ARHGEF1: variants seen among roughly 807,000 people sequenced by gnomAD.
The protein encoded by ARHGEF1 is Rho guanine nucleotide exchange factor 1.
A neutral mutation model predicts 119.7 loss-of-function variants in ARHGEF1; 40 were observed. That is an observed-to-expected ratio of 0.33 (90% confidence interval 0.26 to 0.44). The LOEUF is 0.44. Among genes scored for constraint, ARHGEF1 ranks in the 20% least tolerant of loss-of-function variants. ARHGEF1 has a pLI of 1.00. For synonymous variants in ARHGEF1, 494 were observed against 521.0 expected (o/e 0.95, Z 0.71); for missense variants, 976 against 1,268.3 (o/e 0.77, Z 3.50).
chr19:41,919,665 T>C (rs1372852294), upstream of ARHGEF1, among the ~76,000 whole-genome samples: 2 of 151,984 alleles, frequency 1.3e-5, no homozygotes, highest in African/African-American at 4.8e-5. Flanking sequence ...TGGGGGCTCT[T>C]CCTCAGCTGC....
downstream of ARHGEF1, among the ~76,000 whole-genome samples, chr19:41,910,516 T>C (rs139664101): frequency 4.7e-3 from 714 of 152,168 alleles, 14 homozygotes; most frequent in East Asian, 0.039. The surrounding 1 kb of genome is among the most constrained non-coding windows in gnomAD (Gnocchi z 4.4). Context: ...TGCCCTCAGC[T>C]CTTACTGTCT....
rs1000034870 is a variant in ARHGEF1 at position 41,902,682 on chromosome 19, C to T, written c.1623+24C>T. On this transcript the variant is annotated intron_variant, in intron 17 of 28. Transcript: ENST00000354532. This position sits in a 1 kb window ranked among gnomAD's most constrained non-coding sequence, Gnocchi z 6.5. ...AGGTGAGGTGGGGTCTGGACTCCAG[C>T]TTCCCAGGGAGGAGGGGCCTGGAGA... The T allele has an allele frequency of 1.2e-6, 2 of 1,613,728 alleles. No individual in the cohort carries two copies. The highest frequency in any genetic ancestry group is 1.3e-5 in the African/African-American group (1 of 74,910).
At chr19:41,924,885 C>T (rs1332426814) in intron 1 of ARHGEF1, among the ~76,000 whole-genome samples, 1 of 151,940 alleles carries the variant, frequency 6.6e-6, no homozygotes, top group Non-Finnish European at 1.5e-5. Context: ...AAGGTTTCTT[C>T]CTAAAGGTGT....
At position 41,892,119 on chromosome 19, in the gene ARHGEF1, C is replaced by T. The variant is rs782084682; in HGVS notation, c.320C>T (p.Thr107Ile). The T allele has an allele frequency of 1.9e-6, 3 of 1,612,356 alleles. No individual in the cohort carries two copies. Among genetic ancestry groups the T allele is most frequent in the South Asian group, 2.2e-5 (2 of 90,940 alleles). Reference protein sequence around the residue: ...LDFYHSFLEKTAVLRVPVPPN... With the variant: ...LDFYHSFLEKIAVLRVPVPPN... ...TTCTACCACAGCTTCCTGGAGAAGA[C>T]AGCGGTGAGAGACCTTCAAGCTGCC... The change falls in exon 5 of 29, where the codon ACA becomes ATA. Residue 107 changes from threonine (T) to isoleucine (I), a missense_variant. By Grantham distance (89) the Thr-to-Ile change is moderately conservative. Around this residue, in one of 3 missense-constraint regions of ARHGEF1, gnomAD observed 519 missense variants for 580.9 expected, o/e 0.89. Coordinates refer to ENST00000354532, the MANE Select transcript of ARHGEF1 (RefSeq NM_004706.4). The surrounding 1 kb of genome is among the most constrained non-coding windows in gnomAD (Gnocchi z 6.3).
chr19:41,891,770 C>T (rs1376085033), intron 4 of ARHGEF1, among the ~76,000 whole-genome samples: 2 of 152,188 alleles, frequency 1.3e-5, no homozygotes, highest in East Asian at 3.9e-4. Flanking sequence ...CGGGAGGAGA[C>T]CATGATGAAG....
chr19:41,918,518 TCA>T (rs1411197534), upstream of ARHGEF1, among the ~76,000 whole-genome samples: 2 of 103,424 alleles, frequency 1.9e-5, no homozygotes, highest in Admixed American at 9.2e-5. Context: ...ACCACACACA[TCA>T]CACACACACC....
In ARHGEF1 at chr19:41,917,587, C is replaced by T. The variant is rs1481437397; in HGVS notation, c.1866-5505C>T. Reference sequence around the variant, plus strand: ...GCTCTGTCTAAAGAGGAGAGAGACGCGGCCTAAGACCCTTCTGCCACCGCC... The same window carrying T: ...GCTCTGTCTAAAGAGGAGAGAGACGTGGCCTAAGACCCTTCTGCCACCGCC... On this transcript the variant is annotated intron_variant, in intron 18 of 20. Coordinates refer to the ARHGEF1 transcript ENST00000599589. The surrounding 1 kb of genome is among the most constrained non-coding windows in gnomAD (Gnocchi z 4.8). 3.3e-5 allele frequency among the ~76,000 whole-genome samples: 5 copies of T among 151,762 alleles called. No individual in the cohort carries two copies. Among genetic ancestry groups the T allele is most frequent in the African/African-American group, 9.7e-5 (4 of 41,250 alleles).
intron 13 of ARHGEF1, chr19:41,898,127 C>G (rs2074542903): frequency 7.2e-7 from 1 of 1,390,094 alleles, no homozygotes; most frequent in Admixed American, 3.4e-5. Flanking sequence ...TGTCAACCCT[C>G]TCCCTTCCCC....
chr19:41,896,311 C>G, intron 12 of ARHGEF1, 66 bp from the exon 13 acceptor site: 6 of 821,378 alleles, frequency 7.3e-6, no homozygotes, highest in Non-Finnish European at 1.1e-5. Flanking sequence ...CAATTCCAGG[C>G]CCCCAGAGTG....
rs2074806406 is a variant in ARHGEF1, at chr19:41,917,139, T to C, written c.1866-5953T>C. Among the ~76,000 whole-genome samples, 2 of 152,152 alleles carry C rather than the reference T, an allele frequency of 1.3e-5. No individual in the cohort carries two copies. The highest frequency in any genetic ancestry group is 6.5e-5 in the Admixed American group (1 of 15,274). On this transcript the variant is annotated intron_variant, in intron 18 of 20. Coordinates refer to the ARHGEF1 transcript ENST00000599589. The surrounding 1 kb of genome is among the most constrained non-coding windows in gnomAD (Gnocchi z 4.8). The stretch of plus-strand genomic sequence containing the variant: ...GGGTGTCGGCGCATCTTTCTGTCTG[T>C]CTCTGTCACTGAGGGTCTCTGTCTG...
intron 28 of ARHGEF1, 29 bp from the exon 29 acceptor site, chr19:41,907,076 C>A (rs958790626): frequency 1.4e-6 from 2 of 1,472,858 alleles, no homozygotes; most frequent in South Asian, 2.7e-5. Flanking sequence ...CATCTCTCCC[C>A]GTCTCCCCTC....
chr19:41,912,904 C>G (rs1422810029), intron 18 of ARHGEF1: 2 of 1,231,550 alleles, frequency 1.6e-6, no homozygotes, highest in East Asian at 3.2e-5. Flanking sequence ...AGGTCGGAGA[C>G]GCAGCTACAG....
intron 7 of ARHGEF1, 154 bp from the exon 8 acceptor site, chr19:41,893,120 C>A: frequency 8.8e-7 from 1 of 1,134,494 alleles, no homozygotes; most frequent in South Asian, 1.6e-5. Context: ...CTCCCTCCCT[C>A]TTATGACAGT....
At chr19:41,912,015 C>T (rs574423523), downstream of ARHGEF1, among the ~76,000 whole-genome samples, 195 of 152,068 alleles carry the variant, frequency 1.3e-3, 6 homozygotes, top group South Asian at 0.038. Flanking sequence ...CCATGCGGAA[C>T]GCCACACAAC....
Position 41,896,438 on chromosome 19 carries a change from CT to C in ARHGEF1, c.1079del (p.Leu360TrpfsTer56). On this transcript the variant is annotated frameshift_variant, in exon 13 of 29. Coordinates refer to ENST00000354532, the MANE Select transcript of ARHGEF1 (RefSeq NM_004706.4). LOFTEE classifies it high-confidence loss of function. ...CGCAGGGCCCAATGAGCCTGGAGTCCTTGGCGCCCCCAGAGAGTACCGACGA... is the reference window on the plus strand; with the variant it reads ...CGCAGGGCCCAATGAGCCTGGAGTCCTGGCGCCCCCAGAGAGTACCGACGA... ...SPQGPMSLES[L>X]APPESTDEGA... is the part of the protein sequence containing the mutation. 6.8e-7 allele frequency: 1 copy of C among 1,479,552 alleles called. No individual in the cohort carries two copies. Among genetic ancestry groups the C allele is most frequent in the Non-Finnish European group, 9.0e-7 (1 of 1,116,138 alleles). 91.7% of individuals were successfully genotyped at this position (1,479,552 alleles called of 1,614,324 possible).
chr19:41,895,358 C>G lies in ARHGEF1; in HGVS notation c.887C>G (p.Pro296Arg), dbSNP rs2074466342. ...HLKAEVDAEK[P>R]GATDRKGGVG... Reference sequence around the variant, plus strand: ...CTCACTGTCTCCCCAGCCGAGAAGCCAGGTGCTACAGACCGGAAGGGAGGC... The same window carrying G: ...CTCACTGTCTCCCCAGCCGAGAAGCGAGGTGCTACAGACCGGAAGGGAGGC... Residue 296 changes from proline (P) to arginine (R), a missense_variant, in exon 12 of 29, where the codon CCA becomes CGA. This residue lies in a region of ARHGEF1 where 519 missense variants were observed against 580.9 expected (regional missense o/e 0.89). Transcript: ENST00000354532. 2 of 1,608,150 alleles carry G rather than the reference C, an allele frequency of 1.2e-6. No individual in the cohort carries two copies. Among genetic ancestry groups the G allele is most frequent in the Non-Finnish European group, 1.7e-6 (2 of 1,176,568 alleles).
upstream of ARHGEF1, among the ~76,000 whole-genome samples, chr19:41,920,031 G>T (rs1467172504): frequency 1.5e-5 from 2 of 133,322 alleles, no homozygotes; most frequent in Non-Finnish European, 3.1e-5. Context: ...CGCGCTCACA[G>T]ACATGATACG....
intron 1 of ARHGEF1, chr19:41,884,325 C>G (rs1052195390): frequency 1.6e-6 from 2 of 1,260,568 alleles, no homozygotes; most frequent in Non-Finnish European, 2.2e-6. Flanking sequence ...GGGGCCGGAG[C>G]CCGGCAGGAG....
chr19:41,920,694 C>T (rs891974656), upstream of ARHGEF1, among the ~76,000 whole-genome samples: 53 of 152,352 alleles, frequency 3.5e-4, no homozygotes, highest in Admixed American at 2.7e-3. Context: ...ACACAAGTCA[C>T]ACAGTCATGT....
Sources: allele counts gnomAD v4.1 joint callset (sites outside exome capture counted in the v4.1 genomes callset), GRCh38; gene constraint gnomAD v4.1.1; regional missense constraint gnomAD v4.1.1; non-coding constraint Gnocchi (gnomAD v3.1); transcripts MANE v1.5; gene names NCBI Gene and HGNC (gene_info 2026-07-23, HGNC 2026-07-21).